ALK: variants seen among roughly 807,000 people sequenced by gnomAD.
The protein encoded by ALK is ALK tyrosine kinase receptor.
In ALK, 74 loss-of-function variants were observed where a neutral mutation model predicts 163.1. The ratio of observed to expected loss-of-function variants is 0.45; its 90% CI spans 0.38 to 0.55. The LOEUF (loss-of-function observed/expected upper bound fraction) is 0.55. Ranked by LOEUF, ALK falls within the 20% of genes least tolerant of loss-of-function variation. ALK has a pLI of 0.00. For missense variants in ALK, 2,063 were observed against 2,105.3 expected (o/e 0.98, Z 0.39); for synonymous variants, 960 against 843.2 (o/e 1.14, Z -2.40).
At chr2:29,748,259 C>T (rs1162747799) in intron 1 of ALK, among the ~76,000 whole-genome samples, 2 of 152,174 alleles carry the variant, frequency 1.3e-5, no homozygotes, top group Non-Finnish European at 1.5e-5. Flanking sequence ...AGTCAGGACC[C>T]ATGGGACACT....
intron 25 of ALK, among the ~76,000 whole-genome samples, chr2:29,209,445 G>A (rs907821773): frequency 2.0e-5 from 3 of 151,686 alleles, no homozygotes; most frequent in African/African-American, 7.3e-5. Flanking sequence ...GAGAAGCTGA[G>A]GCAGGAAAAT....
At chr2:29,449,513 T>C (rs1287487238) in intron 4 of ALK, among the ~76,000 whole-genome samples, 1 of 152,204 alleles carries the variant, frequency 6.6e-6, no homozygotes, top group Non-Finnish European at 1.5e-5. Context: ...CCTCCATTAA[T>C]GTGGGCTCTG....
intron 1 of ALK, among the ~76,000 whole-genome samples, chr2:29,749,799 T>G (rs572558199): frequency 6.6e-6 from 1 of 152,338 alleles, no homozygotes; most frequent in Non-Finnish European, 1.5e-5. Flanking sequence ...ACTTGTTCAT[T>G]GAGATCTTCC....
chr2:29,577,989 G>C (rs1165366446), intron 3 of ALK, among the ~76,000 whole-genome samples: 1 of 140,808 alleles, frequency 7.1e-6, no homozygotes, highest in East Asian at 2.1e-4. Flanking sequence ...CTTTCCTCTA[G>C]GTAAAGAGGA....
chr2:29,886,647 C>T (rs1666991596), intron 1 of ALK, among the ~76,000 whole-genome samples: 1 of 152,162 alleles, frequency 6.6e-6, no homozygotes, highest in South Asian at 2.1e-4. Flanking sequence ...CCATCAAAAC[C>T]CGGGTGAAAG....
intron 3 of ALK, among the ~76,000 whole-genome samples, chr2:29,676,823 A>G (rs911761898): frequency 1.1e-4 from 16 of 151,800 alleles, no homozygotes; most frequent in African/African-American, 3.6e-4. Context: ...GCAATATGCA[A>G]TTTTTAATGT....
chr2:29,493,517 T>C (rs1671953251), intron 4 of ALK, among the ~76,000 whole-genome samples: 1 of 152,224 alleles, frequency 6.6e-6, no homozygotes, highest in Non-Finnish European at 1.5e-5. Flanking sequence ...TTGACTAGGA[T>C]GCTCTGTCTA....
intron 1 of ALK, among the ~76,000 whole-genome samples, chr2:29,881,659 A>G (rs921822750): frequency 3.9e-5 from 6 of 152,154 alleles, no homozygotes; most frequent in Non-Finnish European, 8.8e-5. Flanking sequence ...GAAATTTCAC[A>G]GGCAAGAATG....
chr2:29,683,447 C>T (rs1296179839), intron 3 of ALK, among the ~76,000 whole-genome samples: 1 of 151,902 alleles, frequency 6.6e-6, no homozygotes, highest in Non-Finnish European at 1.5e-5. Flanking sequence ...GTAAGGATCC[C>T]AAAGCAAGAT....
At chr2:29,411,210 C>T (rs2148322147) in intron 4 of ALK, among the ~76,000 whole-genome samples, 1 of 152,292 alleles carries the variant, frequency 6.6e-6, no homozygotes, top group Non-Finnish European at 1.5e-5. Context: ...CATCTTGTCC[C>T]ACTGGAAGGT....
intron 5 of ALK, among the ~76,000 whole-genome samples, chr2:29,378,219 G>C (rs1668805696): frequency 6.6e-6 from 1 of 152,198 alleles, no homozygotes; most frequent in Non-Finnish European, 1.5e-5. Context: ...ATACTGAATT[G>C]ATTTCTTAGA....
chr2:29,856,947 A>C (rs1166340308), intron 1 of ALK, among the ~76,000 whole-genome samples: 1 of 152,184 alleles, frequency 6.6e-6, no homozygotes, highest in African/African-American at 2.4e-5. Context: ...TGTACCTTTT[A>C]GCCAAGTGTC....
intron 1 of ALK, among the ~76,000 whole-genome samples, chr2:29,832,535 C>T (rs1365346419): frequency 3.3e-5 from 5 of 152,232 alleles, no homozygotes; most frequent in Non-Finnish European, 7.3e-5. Context: ...GAATGCCCTA[C>T]ATTTCTGTCA....
intron 5 of ALK, among the ~76,000 whole-genome samples, chr2:29,351,541 G>A (rs1406476961): frequency 1.3e-5 from 2 of 152,122 alleles, no homozygotes; most frequent in Admixed American, 6.5e-5. Context: ...ACCACAGATC[G>A]AGCCACGGGC....
chr2:29,394,893 T>C (rs967206766), intron 4 of ALK, among the ~76,000 whole-genome samples: 1 of 151,392 alleles, frequency 6.6e-6, no homozygotes, highest in African/African-American at 2.4e-5. Flanking sequence ...CTTCAATACA[T>C]CATCCCCATG....
chr2:29,758,114 G>T (rs1191761743), intron 1 of ALK, among the ~76,000 whole-genome samples: 3 of 149,552 alleles, frequency 2.0e-5, no homozygotes, highest in African/African-American at 7.4e-5. Flanking sequence ...GGGCTCAAGT[G>T]ATTCTCCTGC....
At chr2:29,315,466 A>G (rs886270336) in intron 8 of ALK, among the ~76,000 whole-genome samples, 1 of 152,048 alleles carries the variant, frequency 6.6e-6, no homozygotes, top group African/African-American at 2.4e-5. Flanking sequence ...ACATCACGCT[A>G]TTTGGGGCCA....
At chr2:29,693,348 C>T (rs1678456260) in intron 3 of ALK, among the ~76,000 whole-genome samples, 1 of 151,250 alleles carries the variant, frequency 6.6e-6, no homozygotes, top group Non-Finnish European at 1.5e-5. Context: ...TCTAGGCAGT[C>T]TTTTCTATAA....
chr2:29,644,165 G>A (rs1188287191), intron 3 of ALK, among the ~76,000 whole-genome samples: 105 of 135,158 alleles, frequency 7.8e-4, no homozygotes, highest in South Asian at 1.2e-3. Flanking sequence ...ACCAAACACC[G>A]CATATTCTCA....
Sources: allele counts gnomAD v4.1 joint callset (sites outside exome capture counted in the v4.1 genomes callset), GRCh38; gene constraint gnomAD v4.1.1; transcripts MANE v1.5; gene names NCBI Gene and HGNC (gene_info 2026-07-23, HGNC 2026-07-21).